Variants in PTPRN2 observed in about 807,000 individuals in gnomAD.
PTPRN2 encodes the protein receptor-type tyrosine-protein phosphatase N2.
Under a neutral mutation model 118.8 loss-of-function variants are expected in PTPRN2, and 74 were observed. That is an observed-to-expected ratio of 0.62 (90% CI 0.52 to 0.76). The LOEUF (loss-of-function observed/expected upper bound fraction) is 0.76, where lower values mean the gene tolerates loss of function less well. Ranked by LOEUF, PTPRN2 falls within the 30% of genes least tolerant of loss-of-function variation. The pLI, the probability that PTPRN2 is intolerant of heterozygous loss-of-function variation, is 0.00. For synonymous variants in PTPRN2, 641 were observed against 608.0 expected, an observed-to-expected ratio of 1.05 and a Z score of -0.80; for missense variants, 1,481 against 1,394.4, an observed-to-expected ratio of 1.06 and a Z score of -0.99.
At chr7:158,274,341 GGGAGAGCCACAGACACA>G (rs1563074552) in intron 3 of PTPRN2, among the ~76,000 whole-genome samples, 2 of 7,896 alleles carry the variant, frequency 2.5e-4, no homozygotes, top group African/African-American at 6.1e-4. Flanking sequence ...CCGCAGACGC[GGGAGAGCCACAGACACA>G]GGGGGAGCCG....
chr7:157,726,475 G>A (rs986062796), intron 12 of PTPRN2, among the ~76,000 whole-genome samples: 6 of 152,178 alleles, frequency 3.9e-5, no homozygotes, highest in South Asian at 2.1e-4. Context: ...CCGAGCGTGC[G>A]CTGACTCACA....
intron 12 of PTPRN2, among the ~76,000 whole-genome samples, chr7:157,772,227 A>G (rs1802894618): frequency 5.3e-5 from 8 of 151,842 alleles, no homozygotes; most frequent in Non-Finnish European, 1.5e-5. Flanking sequence ...AGACACAGAC[A>G]CACACACATA....
At chr7:158,181,072 G>A (rs1244587369) in intron 5 of PTPRN2, among the ~76,000 whole-genome samples, 2 of 152,092 alleles carry the variant, frequency 1.3e-5, no homozygotes, top group East Asian at 1.9e-4. Flanking sequence ...TGTTGGTTGT[G>A]GGTTTATCAT....
At position 157,929,617 on chromosome 7, in the gene PTPRN2, C is replaced by T. The variant is rs1799243021; in HGVS notation, c.1724-30880G>A. ...CCTTTCAGGGTCCAGGCAGTCTTCC[C>T]CCTCATTAAATCAAATTTATTCCCA... On this transcript the variant is annotated intron_variant, in intron 11 of 22. Coordinates refer to ENST00000389418, the MANE Select transcript of PTPRN2 (RefSeq NM_002847.5). The surrounding 1 kb of genome is among the most constrained non-coding windows in gnomAD (Gnocchi z 4.4). Among the ~76,000 whole-genome samples, 1 of 152,066 alleles carries T rather than the reference C, an allele frequency of 6.6e-6. No individual in the cohort carries two copies. Among genetic ancestry groups the T allele is most frequent in the Non-Finnish European group, 1.5e-5 (1 of 68,018 alleles).
At chr7:158,220,473 A>G (rs1164469355) in intron 3 of PTPRN2, among the ~76,000 whole-genome samples, 5 of 152,188 alleles carry the variant, frequency 3.3e-5, no homozygotes, top group African/African-American at 4.8e-5. Flanking sequence ...GTAAAGTTTC[A>G]GGAAAAAAAT....
At position 157,974,150 on chromosome 7, in the gene PTPRN2, G is replaced by A. The variant is rs946318569; in HGVS notation, c.1724-75413C>T. Among the ~76,000 whole-genome samples the A allele has an allele frequency of 1.1e-4, 17 of 152,360 alleles. No individual in the cohort carries two copies. The highest frequency in any genetic ancestry group is 3.6e-4 in the African/African-American group (15 of 41,588). ...TGTTGACGCTGCACAGGTCATGAGC[G>A]CCGGCCCTGCGGATCCGGCGATGAT... On this transcript the variant is annotated intron_variant, in intron 11 of 22. Transcript: ENST00000389418. The surrounding 1 kb of genome is among the most constrained non-coding windows in gnomAD (Gnocchi z 4.0).
chr7:158,372,695 G>A (rs1810168439), intron 2 of PTPRN2, among the ~76,000 whole-genome samples: 1 of 152,240 alleles, frequency 6.6e-6, no homozygotes, highest in Admixed American at 6.5e-5. Flanking sequence ...AGTGCCCCAA[G>A]ACAGCCCCAG....
rs761494560 is a variant in PTPRN2 at position 157,964,945 on chromosome 7, G to GGGAGTGA, written c.1724-66215_1724-66209dup. On this transcript the variant is annotated intron_variant, in intron 11 of 22. Transcript: ENST00000389418. This position sits in a 1 kb window ranked among gnomAD's most constrained non-coding sequence, Gnocchi z 9.0. Reference sequence around the variant, plus strand: ...TAATTTATGTTCAACAGAGACCTTTGGGAGTGAGTGTCAGTGCCGTAGCGG... The same window carrying GGGAGTGA: ...TAATTTATGTTCAACAGAGACCTTTGGGAGTGAGGAGTGAGTGTCAGTGCCGTAGCGG... Among the ~76,000 whole-genome samples the GGGAGTGA allele has an allele frequency of 1.5e-4, 23 of 152,228 alleles. No individual in the cohort carries two copies. The highest frequency in any genetic ancestry group is 1.2e-3 in the Admixed American group (18 of 15,286).
chr7:157,712,751 C>CAAAAAA, intron 12 of PTPRN2, among the ~76,000 whole-genome samples: 1 of 89,926 alleles, frequency 1.1e-5, no homozygotes, highest in Non-Finnish European at 2.1e-5. Flanking sequence ...AACTCCATCT[C>CAAAAAA]AAAAAAAAAA....
chr7:158,026,701 CCT>C (rs1256483612), intron 11 of PTPRN2, among the ~76,000 whole-genome samples: 1 of 152,152 alleles, frequency 6.6e-6, no homozygotes, highest in African/African-American at 2.4e-5. Flanking sequence ...AAAGCTGCCC[CCT>C]GAGCCCCACA....
chr7:157,968,081 T>TCCC (rs1802068238), intron 11 of PTPRN2, among the ~76,000 whole-genome samples: 1 of 152,184 alleles, frequency 6.6e-6, no homozygotes, highest in African/African-American at 2.4e-5. Flanking sequence ...ACTAGTAAAT[T>TCCC]ACTACAGCGG....
At chr7:158,303,286 C>A (rs1801029500) in intron 3 of PTPRN2, among the ~76,000 whole-genome samples, 1 of 152,070 alleles carries the variant, frequency 6.6e-6, no homozygotes, top group Non-Finnish European at 1.5e-5. Context: ...GTTTGGAATT[C>A]CGCTCTCCAT....
chr7:157,844,309 T>C (rs1029974332), intron 12 of PTPRN2, among the ~76,000 whole-genome samples: 1 of 152,212 alleles, frequency 6.6e-6, no homozygotes, highest in Non-Finnish European at 1.5e-5. Context: ...CACTTCTCTG[T>C]AGAAGCCGTC....
At chr7:158,305,931 C>G (rs1801255319) in intron 3 of PTPRN2, among the ~76,000 whole-genome samples, 4 of 152,144 alleles carry the variant, frequency 2.6e-5, no homozygotes. Context: ...AATGAGCAGC[C>G]CACAATGGCA....
intron 21 of PTPRN2, among the ~76,000 whole-genome samples, chr7:157,552,078 C>G (rs781724810): frequency 5.3e-5 from 8 of 151,330 alleles, no homozygotes; most frequent in Non-Finnish European, 7.4e-5. Flanking sequence ...CCACCACATA[C>G]CCTACAGGAA....
chr7:157,702,919 A>C (rs1188837848), intron 12 of PTPRN2, among the ~76,000 whole-genome samples: 1 of 152,176 alleles, frequency 6.6e-6, no homozygotes, highest in East Asian at 1.9e-4. Flanking sequence ...GAGGGGCCAA[A>C]ATAGCTGTTT....
chr7:158,150,645 C>A (rs921452169), intron 6 of PTPRN2, among the ~76,000 whole-genome samples: 2 of 152,118 alleles, frequency 1.3e-5, no homozygotes, highest in Non-Finnish European at 2.9e-5. Flanking sequence ...CCTCTAATTC[C>A]ACCCTTGTGA....
chr7:158,110,207 C>T (rs1033172374), intron 10 of PTPRN2, among the ~76,000 whole-genome samples: 16 of 152,236 alleles, frequency 1.1e-4, no homozygotes, highest in African/African-American at 3.1e-4. Context: ...GGAGCTCCTG[C>T]AGCTTCTGCA....
chr7:157,580,471 C>T (rs113310324), intron 17 of PTPRN2, among the ~76,000 whole-genome samples: 6,022 of 149,806 alleles, frequency 0.04, 114 homozygotes, highest in Non-Finnish European at 0.059. Context: ...ACCTGCACAC[C>T]GCAGCACCTG....
Sources: gnomAD v4.1 joint callset for allele counts (sites outside exome capture counted in the v4.1 genomes callset) on GRCh38, gnomAD v4.1.1 for gene constraint, Gnocchi (gnomAD v3.1) non-coding constraint, MANE v1.5 for transcripts, NCBI Gene and HGNC (gene_info 2026-07-23, HGNC 2026-07-21) for gene names.